TSPAN3: variants seen among roughly 807,000 people sequenced by gnomAD.
The protein encoded by TSPAN3 is tetraspanin 3.
Under a neutral mutation model 31.1 loss-of-function variants are expected in TSPAN3, and 9 were observed. The observed-to-expected ratio is 0.29, with a 90% CI of 0.17 to 0.50. The LOEUF is 0.50. TSPAN3 is among the 20% of genes least tolerant of loss of function. TSPAN3 has a pLI of 0.98. For synonymous variants in TSPAN3, 129 were observed against 114.3 expected, an observed-to-expected ratio of 1.13 and a Z score of -0.82; for missense variants, 252 against 313.5, an observed-to-expected ratio of 0.80 and a Z score of 1.48.
chr15:77,062,435 T>G (rs568587107), intron 1 of TSPAN3, among the ~76,000 whole-genome samples: 3 of 152,302 alleles, frequency 2.0e-5, no homozygotes, highest in African/African-American at 7.2e-5. Context: ...AAAAGGCCAT[T>G]CCAAAGACTC....
intron 1 of TSPAN3, among the ~76,000 whole-genome samples, chr15:77,058,675 G>GT (rs550368543): frequency 1.3e-5 from 2 of 152,258 alleles, no homozygotes; most frequent in East Asian, 3.9e-4. Flanking sequence ...CAGACAGCAG[G>GT]TATCAGTTAA....
intron 1 of TSPAN3, among the ~76,000 whole-genome samples, chr15:77,061,693 G>C (rs2076801752): frequency 6.6e-6 from 1 of 152,214 alleles, no homozygotes; most frequent in Non-Finnish European, 1.5e-5. Flanking sequence ...CCTACATGGA[G>C]ATTTAGAAAT....
intron 4 of TSPAN3, among the ~76,000 whole-genome samples, chr15:77,053,489 A>G (rs977131656): frequency 1.5e-5 from 2 of 131,588 alleles, no homozygotes; most frequent in Non-Finnish European, 3.2e-5. Flanking sequence ...AAAAAAAAAA[A>G]AAAAAGAAAA....
At chr15:77,069,275 A>G (rs759486904) in intron 1 of TSPAN3, among the ~76,000 whole-genome samples, 5 of 152,210 alleles carry the variant, frequency 3.3e-5, no homozygotes, top group African/African-American at 7.2e-5. Context: ...TTATGGATGC[A>G]TAAGTAGCAG....
rs1258228196 is a variant in TSPAN3 at position 77,056,190 on chromosome 15, G to C, written c.129C>G (p.His43Gln). 3.1e-6 allele frequency: 5 copies of C among 1,613,878 alleles called. No homozygotes were observed. The highest frequency in any genetic ancestry group is 4.2e-6 in the Non-Finnish European group (5 of 1,179,956). ...TGAGCGTGTACACATCTTCAAAGAAGTGGTCATAGTCATCATAAGTGATGA... is the reference window on the plus strand; with the variant it reads ...TGAGCGTGTACACATCTTCAAAGAACTGGTCATAGTCATCATAAGTGATGA... The part of the protein sequence containing the change: ...YVFITYDDYD[H>Q]FFEDVYTLIP... Residue 43 changes from histidine to glutamine, a missense_variant, in exon 2 of 7, where the codon CAC (histidine) becomes CAG (glutamine). Transcript: ENST00000267970.
intron 6 of TSPAN3, among the ~76,000 whole-genome samples, chr15:77,051,953 A>G (rs2076734265): frequency 6.6e-6 from 1 of 152,264 alleles, no homozygotes; most frequent in African/African-American, 2.4e-5. Context: ...GTGAGGACAG[A>G]AAAACAAGAA....
In TSPAN3 at chr15:77,054,230, T is replaced by C. The variant is rs370307435; in HGVS notation, c.380A>G (p.Asn127Ser). Reference protein sequence around the residue: ...RSIQKVYKTYNGTNPDAASRA... With the variant: ...RSIQKVYKTYSGTNPDAASRA... ...GCTAGCAGCATCAGGGTTGGTTCCA[T>C]TGTAGGTCTTATACACTTTCTGAAT... Residue 127 changes from asparagine to serine, a missense_variant, in exon 4 of 7, where the codon AAT becomes AGT. Physicochemically the swap from Asn to Ser is conservative, Grantham distance 46 (BLOSUM62 1). Coordinates refer to ENST00000267970, the MANE Select transcript of TSPAN3 (RefSeq NM_005724.6). 36 of 1,613,858 alleles carry C rather than the reference T, an allele frequency of 2.2e-5. No individual in the cohort carries two copies. The highest frequency in any genetic ancestry group is 3.0e-5 in the Non-Finnish European group (35 of 1,179,920).
intron 6 of TSPAN3, among the ~76,000 whole-genome samples, chr15:77,051,049 T>A (rs2076727254): frequency 6.6e-6 from 1 of 151,414 alleles, no homozygotes; most frequent in South Asian, 2.1e-4. Context: ...ATAAAAGTTA[T>A]CTACATTTTT....
chr15:77,066,069 A>C (rs915420668), intron 1 of TSPAN3, among the ~76,000 whole-genome samples: 1 of 151,924 alleles, frequency 6.6e-6, no homozygotes, highest in Non-Finnish European at 1.5e-5. Context: ...ATAGGGTTTA[A>C]AAAAAAAGTA....
chr15:77,069,820 G>C (rs1051157184), intron 1 of TSPAN3: 2 of 152,384 alleles, frequency 1.3e-5, no homozygotes, highest in Admixed American at 6.5e-5. Flanking sequence ...AATGTTCAAG[G>C]AGTGCTCTGG....
intron 1 of TSPAN3, 122 bp from the exon 2 acceptor site, chr15:77,056,377 C>T (rs1292869482): frequency 2.9e-6 from 2 of 678,892 alleles, no homozygotes; most frequent in Admixed American, 7.0e-5. Flanking sequence ...TTCAGTAAAG[C>T]TGAAAATTCT....
At chr15:77,056,698 A>G (rs1351432359) in intron 1 of TSPAN3, among the ~76,000 whole-genome samples, 1 of 152,118 alleles carries the variant, frequency 6.6e-6, no homozygotes, top group Non-Finnish European at 1.5e-5. Flanking sequence ...TACACTTCTA[A>G]TCTCTATCTA....
chr15:77,064,422 C>T (rs2076819134), intron 1 of TSPAN3: 1 of 152,034 alleles, frequency 6.6e-6, no homozygotes, highest in South Asian at 2.1e-4. Flanking sequence ...TTATGGAATA[C>T]ATTTTCTGAA....
At chr15:77,070,806 G>A in intron 1 of TSPAN3, 86 bp downstream of exon 1, 1 of 831,722 alleles carries the variant, frequency 1.2e-6, no homozygotes, top group Non-Finnish European at 1.5e-6. Context: ...CGCCCGCCCA[G>A]GCCCAAGCCC....
chr15:77,059,149 C>G (rs2076785704), intron 1 of TSPAN3, among the ~76,000 whole-genome samples: 1 of 152,188 alleles, frequency 6.6e-6, no homozygotes, highest in South Asian at 2.1e-4. Flanking sequence ...GTGGCGCAAT[C>G]TCAGCTCACT....
At chr15:77,062,756 G>A (rs939770696) in intron 1 of TSPAN3, among the ~76,000 whole-genome samples, 2 of 152,132 alleles carry the variant, frequency 1.3e-5, no homozygotes, top group Admixed American at 6.6e-5. Flanking sequence ...GTAATTCATC[G>A]AGATGTTGTA....
Position 77,056,101 on chromosome 15 carries a change from C to A in TSPAN3, c.218G>T (p.Cys73Phe). Reference protein sequence around the residue: ...LLFIIGLIGCCATIRESRCGL... With the variant: ...LLFIIGLIGCFATIRESRCGL... ...ACAGCGACTTTCCCGGATTGTGGCACAGCAGCCAATTAGCCCAATGATGAA... is the reference window on the plus strand; with the variant it reads ...ACAGCGACTTTCCCGGATTGTGGCAAAGCAGCCAATTAGCCCAATGATGAA... Residue 73 changes from cysteine (C) to phenylalanine (F), a missense_variant, in exon 2 of 7, where the codon TGT becomes TTT. Transcript: ENST00000267970. The A allele has an allele frequency of 6.2e-7, 1 of 1,611,332 alleles. No homozygotes were observed. Among genetic ancestry groups the A allele is most frequent in the Non-Finnish European group, 8.5e-7 (1 of 1,179,062 alleles).
chr15:77,063,814 CA>C (rs2076814231), intron 1 of TSPAN3: 1 of 152,178 alleles, frequency 6.6e-6, no homozygotes, highest in Non-Finnish European at 1.5e-5. Flanking sequence ...ATTATTGTAA[CA>C]GCATGGAAAC....
chr15:77,050,594 A>C (rs1349976417), intron 6 of TSPAN3, among the ~76,000 whole-genome samples: 1 of 152,366 alleles, frequency 6.6e-6, no homozygotes, highest in Middle Eastern at 3.4e-3. Context: ...TTTCATGACC[A>C]CAAGTACCAT....
Sources: allele counts gnomAD v4.1 joint callset (sites outside exome capture counted in the v4.1 genomes callset), GRCh38; gene constraint gnomAD v4.1.1; transcripts MANE v1.5; gene names NCBI Gene and HGNC (gene_info 2026-07-23, HGNC 2026-07-21).